Variants in MYO16 observed in about 807,000 individuals in gnomAD.
MYO16 encodes myosin XVI.
In MYO16, 94 loss-of-function variants were observed where a neutral mutation model predicts 205.3. The observed-to-expected ratio is 0.46, with a 90% CI of 0.39 to 0.54. The LOEUF (loss-of-function observed/expected upper bound fraction) is 0.54. Among genes scored for constraint, MYO16 ranks in the 20% least tolerant of loss-of-function variants. MYO16 has a pLI of 0.00. For missense variants in MYO16, 2,315 were observed against 2,387.5 expected, an observed-to-expected ratio of 0.97 and a Z score of 0.63; for synonymous variants, 988 against 954.0, an observed-to-expected ratio of 1.04 and a Z score of -0.66.
chr13:108,898,639 A>G (rs1880558197), intron 15 of MYO16, among the ~76,000 whole-genome samples: 1 of 152,142 alleles, frequency 6.6e-6, no homozygotes, highest in South Asian at 2.1e-4. Context: ...TCTATTTGAA[A>G]TAAAACTGAA....
chr13:109,042,507 A>G (rs984309279), intron 23 of MYO16, among the ~76,000 whole-genome samples: 11 of 152,140 alleles, frequency 7.2e-5, no homozygotes, highest in African/African-American at 2.7e-4. Flanking sequence ...AAAGACAGCA[A>G]CAACAACAAC....
intron 15 of MYO16, among the ~76,000 whole-genome samples, chr13:108,909,172 A>C (rs1329531604): frequency 6.6e-6 from 1 of 152,194 alleles, no homozygotes; most frequent in East Asian, 1.9e-4. Flanking sequence ...CTTCATATGT[A>C]AAGCAAAATT....
intron 11 of MYO16, among the ~76,000 whole-genome samples, chr13:108,857,079 C>G (rs1454900743): frequency 6.6e-6 from 1 of 152,172 alleles, no homozygotes; most frequent in Non-Finnish European, 1.5e-5. Flanking sequence ...GCATCAAGGA[C>G]TTTCCTTAGA....
chr13:108,926,970 TC>T (rs1200809443), intron 16 of MYO16, among the ~76,000 whole-genome samples: 4 of 151,972 alleles, frequency 2.6e-5, no homozygotes, highest in African/African-American at 7.3e-5. Flanking sequence ...ATTTCTAGAG[TC>T]CCGGTATGGG....
At position 109,012,937 on chromosome 13, in the gene MYO16, G is replaced by C. The variant is rs1164438608; in HGVS notation, c.2595+3888G>C. Among the ~76,000 whole-genome samples the C allele has an allele frequency of 2.0e-5, 3 of 151,642 alleles. No homozygotes were observed. The East Asian group carries it at 5.8e-4, about 29-fold the overall frequency. Reference sequence around the variant, plus strand: ...GTCACTTCTCCTTCCTGTTGAGTAGGATTTTGCCACCTTGTTTTTTTTTTG... The same window carrying C: ...GTCACTTCTCCTTCCTGTTGAGTAGCATTTTGCCACCTTGTTTTTTTTTTG... On this transcript the variant is annotated intron_variant, in intron 22 of 34. Transcript: ENST00000457511.
rs768801878 is a variant in MYO16 at position 108,883,230 on chromosome 13, G to A, written c.1553+44G>A. 1.9e-5 allele frequency: 30 copies of A among 1,594,038 alleles called. No individual in the cohort carries two copies. In the South Asian group the frequency reaches 2.5e-4, roughly 13 times the overall value. ...TGTCTGCCAGGCTCAGGTTTGCCAC[G>A]GGGCTTGGCAGTAAAGATGTACTCA... is the stretch of plus-strand genomic sequence containing the variant. On this transcript the variant is annotated intron_variant, in intron 13 of 34. Transcript: ENST00000457511.
At chr13:109,119,274 G>A (rs916623612) in intron 28 of MYO16, among the ~76,000 whole-genome samples, 22 of 152,174 alleles carry the variant, frequency 1.4e-4, no homozygotes, top group African/African-American at 2.9e-4. Flanking sequence ...CATAGGCTAG[G>A]GGGTGTTATC....
At chr13:109,076,650 C>T (rs555502316) in intron 27 of MYO16, among the ~76,000 whole-genome samples, 3 of 152,236 alleles carry the variant, frequency 2.0e-5, no homozygotes, top group Admixed American at 6.6e-5. Flanking sequence ...TAACACTCCG[C>T]AAGAGTAGAA....
intron 12 of MYO16, among the ~76,000 whole-genome samples, chr13:108,868,616 C>T (rs920780727): frequency 6.6e-6 from 1 of 151,790 alleles, no homozygotes; most frequent in Non-Finnish European, 1.5e-5. Flanking sequence ...TGAAACCGTA[C>T]TGTTTATTAA....
chr13:109,180,496 A>T (rs973352820), intron 34 of MYO16, among the ~76,000 whole-genome samples: 8 of 152,216 alleles, frequency 5.3e-5, no homozygotes, highest in Non-Finnish European at 4.4e-5. Context: ...CACAATTTTT[A>T]TGTCAAACAT....
chr13:108,899,423 CA>C (rs776957070), intron 15 of MYO16, among the ~76,000 whole-genome samples: 153 of 133,998 alleles, frequency 1.1e-3, no homozygotes, highest in Middle Eastern at 3.9e-3. Context: ...AACTCCATCT[CA>C]AAAAAAAAAA....
intron 16 of MYO16, among the ~76,000 whole-genome samples, chr13:108,957,104 G>A (rs1429334897): frequency 4.6e-5 from 7 of 152,072 alleles, no homozygotes; most frequent in Non-Finnish European, 1.0e-4. Flanking sequence ...CATGAGTCAC[G>A]GCCAGGTGCG....
chr13:108,868,314 TATC>T (rs1391512333), intron 12 of MYO16, among the ~76,000 whole-genome samples: 5 of 152,212 alleles, frequency 3.3e-5, no homozygotes, highest in Non-Finnish European at 7.3e-5. Context: ...TTTGTTTACT[TATC>T]ATTCTACTGG....
At chr13:109,035,982 G>T (rs1886702113) in intron 23 of MYO16, among the ~76,000 whole-genome samples, 1 of 152,226 alleles carries the variant, frequency 6.6e-6, no homozygotes, top group Non-Finnish European at 1.5e-5. Context: ...TTCTCCTTTA[G>T]GGAATCTGGA....
At chr13:108,658,426 T>TTGTGTGTGTGTGTGTG (rs145187326) in intron 1 of MYO16, among the ~76,000 whole-genome samples, 92 of 145,286 alleles carry the variant, frequency 6.3e-4, no homozygotes, top group South Asian at 3.4e-3. Context: ...TGTTTCAACT[T>TTGTGTGTGTGTGTGTG]TGTGTGTGTG....
chr13:109,190,904 C>T (rs1171315145), intron 34 of MYO16, among the ~76,000 whole-genome samples: 4 of 151,982 alleles, frequency 2.6e-5, no homozygotes, highest in African/African-American at 7.3e-5. Context: ...TTTTGAGTTC[C>T]GAGTGAGTGG....
intron 3 of MYO16, among the ~76,000 whole-genome samples, chr13:108,715,947 CTG>C (rs1883927791): frequency 6.6e-6 from 1 of 151,884 alleles, no homozygotes; most frequent in Non-Finnish European, 1.5e-5. Flanking sequence ...ATCTCAAAAA[CTG>C]TGACTGTCTT....
intron 28 of MYO16, among the ~76,000 whole-genome samples, chr13:109,104,669 G>T (rs1889067944): frequency 6.6e-6 from 1 of 152,124 alleles, no homozygotes; most frequent in Non-Finnish European, 1.5e-5. Flanking sequence ...GGACAGGGGT[G>T]GGGGCAACTC....
intron 6 of MYO16, among the ~76,000 whole-genome samples, chr13:108,798,106 G>A (rs1314370911): frequency 6.6e-6 from 1 of 152,212 alleles, no homozygotes; most frequent in Non-Finnish European, 1.5e-5. Flanking sequence ...TTAACAGCCA[G>A]TGGTTTGGTT....
Sources: gnomAD v4.1 joint callset for allele counts (sites outside exome capture counted in the v4.1 genomes callset) on GRCh38, gnomAD v4.1.1 for gene constraint, MANE v1.5 for transcripts, NCBI Gene and HGNC (gene_info 2026-07-23, HGNC 2026-07-21) for gene names.